CAMKMT: variants seen among roughly 807,000 people sequenced by gnomAD.
The protein encoded by CAMKMT is CaM KMT.
A neutral mutation model predicts 48.0 loss-of-function variants in CAMKMT; 53 were observed. The observed-to-expected ratio is 1.10, with a 90% CI of 0.89 to 1.39. The LOEUF is 1.39. Ranked by LOEUF, CAMKMT falls within the 40% of genes most tolerant of loss-of-function variation. CAMKMT has a pLI of 0.00. For synonymous variants in CAMKMT, 165 were observed against 152.3 expected (o/e 1.08, Z -0.61); for missense variants, 428 against 402.7 (o/e 1.06, Z -0.54).
At chr2:44,437,831 T>G (rs1666366045) in intron 3 of CAMKMT, among the ~76,000 whole-genome samples, 1 of 123,354 alleles carries the variant, frequency 8.1e-6, no homozygotes, top group African/African-American at 2.9e-5. Flanking sequence ...AGAGCAAGAC[T>G]CTGCTACAAA....
intron 3 of CAMKMT, among the ~76,000 whole-genome samples, chr2:44,594,362 T>C (rs1670517820): frequency 6.6e-6 from 1 of 152,182 alleles, no homozygotes; most frequent in South Asian, 2.1e-4. Context: ...AAGACAATCC[T>C]AAGCAAAAAG....
chr2:44,541,355 A>G (rs896442535), intron 3 of CAMKMT, among the ~76,000 whole-genome samples: 3 of 152,166 alleles, frequency 2.0e-5, no homozygotes, highest in Admixed American at 1.3e-4. Context: ...CATTTGTTCA[A>G]GTCTACTCTT....
intron 6 of CAMKMT, among the ~76,000 whole-genome samples, chr2:44,713,748 A>G (rs925370139): frequency 1.3e-5 from 2 of 152,188 alleles, no homozygotes; most frequent in African/African-American, 2.4e-5. Flanking sequence ...GAAGAAAGCT[A>G]TCACAGTACC....
At chr2:44,499,081 G>A (rs1669889683) in intron 3 of CAMKMT, among the ~76,000 whole-genome samples, 1 of 152,172 alleles carries the variant, frequency 6.6e-6, no homozygotes, top group Non-Finnish European at 1.5e-5. Flanking sequence ...ATTCTGAGAT[G>A]AGTGACCTAT....
intron 3 of CAMKMT, among the ~76,000 whole-genome samples, chr2:44,443,912 G>A (rs977722959): frequency 7.2e-5 from 11 of 152,070 alleles, no homozygotes; most frequent in Non-Finnish European, 1.5e-4. Context: ...GCATAATAAT[G>A]AAACAAATAA....
chr2:44,567,929 G>A (rs1294108105), intron 3 of CAMKMT, among the ~76,000 whole-genome samples: 1 of 152,160 alleles, frequency 6.6e-6, no homozygotes, highest in East Asian at 1.9e-4. Context: ...ACTGGTGAAT[G>A]AGGTAAAATG....
At chr2:44,532,105 C>A (rs1172375536) in intron 3 of CAMKMT, among the ~76,000 whole-genome samples, 2 of 152,182 alleles carry the variant, frequency 1.3e-5, no homozygotes, top group African/African-American at 4.8e-5. Flanking sequence ...AATACGGCTA[C>A]TTGCTGGTAT....
chr2:44,608,462 A>T (rs1208403611), intron 3 of CAMKMT, among the ~76,000 whole-genome samples: 1 of 152,190 alleles, frequency 6.6e-6, no homozygotes, highest in Non-Finnish European at 1.5e-5. Context: ...TGACATTTCA[A>T]TACATGTAAT....
At chr2:44,586,668 C>A (rs1391771235) in intron 3 of CAMKMT, among the ~76,000 whole-genome samples, 2 of 152,076 alleles carry the variant, frequency 1.3e-5, no homozygotes, top group African/African-American at 4.8e-5. Flanking sequence ...GAGTAGTATT[C>A]TGTTGTGTGC....
chr2:44,566,104 C>G (rs992059145), intron 3 of CAMKMT, among the ~76,000 whole-genome samples: 1 of 152,138 alleles, frequency 6.6e-6, no homozygotes, highest in African/African-American at 2.4e-5. Context: ...GTATTATGAT[C>G]TACTCATAAC....
At chr2:44,606,946 C>T (rs970595928) in intron 3 of CAMKMT, among the ~76,000 whole-genome samples, 5 of 152,114 alleles carry the variant, frequency 3.3e-5, no homozygotes, top group African/African-American at 1.2e-4. Context: ...TTCATTGAAG[C>T]TCAGGCTGCT....
At chr2:44,555,507 G>T (rs779828828) in intron 3 of CAMKMT, among the ~76,000 whole-genome samples, 3 of 152,202 alleles carry the variant, frequency 2.0e-5, no homozygotes, top group Admixed American at 6.5e-5. Flanking sequence ...CTGTGGGACA[G>T]TTAGAAGAGC....
Position 44,461,721 on chromosome 2 carries a change from T to C in CAMKMT, c.376+71416T>C, listed in dbSNP as rs574349930. ...TGAATAATATTTCATACAAATTCTTTTCAAAATTTATTTTGCTACATATGT... is the reference window on the plus strand; with the variant it reads ...TGAATAATATTTCATACAAATTCTTCTCAAAATTTATTTTGCTACATATGT... On this transcript the variant is annotated intron_variant, in intron 3 of 10. Coordinates refer to ENST00000378494, the MANE Select transcript of CAMKMT (RefSeq NM_024766.5). 3.7e-4 allele frequency among the ~76,000 whole-genome samples: 56 copies of C among 152,356 alleles called. No individual in the cohort carries two copies. The South Asian group carries it at 5.0e-3, about 14-fold the overall frequency.
chr2:44,370,866 A>T (rs773342016), intron 1 of CAMKMT, among the ~76,000 whole-genome samples: 1 of 152,200 alleles, frequency 6.6e-6, no homozygotes, highest in Admixed American at 6.5e-5. Context: ...TTTGGAGTGC[A>T]ATGGCTTCAT....
chr2:44,704,442 A>G, intron 4 of CAMKMT, 99 bp downstream of exon 4: 1 of 801,316 alleles, frequency 1.2e-6, no homozygotes. Context: ...AAATTGTTAG[A>G]AAAAAATATA....
rs376903279 is a variant in CAMKMT, at chr2:44,702,075, G to A, written c.377-2208G>A. ...TACAAAGTACTGCATTTTAGAAGTC[G>A]CATTTTTGTACTTAATCAAGGCTTA... On this transcript the variant is annotated intron_variant, in intron 3 of 10. Coordinates refer to ENST00000378494, the MANE Select transcript of CAMKMT (RefSeq NM_024766.5). 9.2e-5 allele frequency among the ~76,000 whole-genome samples: 14 copies of A among 151,970 alleles called. No individual in the cohort carries two copies. The East Asian group carries it at 2.1e-3, about 23-fold the overall frequency.
chr2:44,708,357 T>C lies in CAMKMT; in HGVS notation c.556+895T>C, dbSNP rs1677681668. Among the ~76,000 whole-genome samples, 5 of 151,948 alleles carry C rather than the reference T, an allele frequency of 3.3e-5. 1 individual carries two copies. The East Asian group carries it at 7.8e-4, about 24-fold the overall frequency. On this transcript the variant is annotated intron_variant, in intron 6 of 10. Transcript: ENST00000378494. Reference sequence around the variant, plus strand: ...TACATACAATCTATTTCTGATTTTCTTTTTCGACTTCTGCCATATGATTTT... The same window carrying C: ...TACATACAATCTATTTCTGATTTTCCTTTTCGACTTCTGCCATATGATTTT...
chr2:44,556,311 G>A (rs1002976802), intron 3 of CAMKMT, among the ~76,000 whole-genome samples: 6 of 151,520 alleles, frequency 4.0e-5, no homozygotes, highest in South Asian at 4.2e-4. Context: ...GCTAATTTTT[G>A]TATTTTTAGT....
intron 3 of CAMKMT, among the ~76,000 whole-genome samples, chr2:44,703,389 C>T (rs1677361062): frequency 6.6e-6 from 1 of 151,976 alleles, no homozygotes; most frequent in African/African-American, 2.4e-5. Context: ...TGCAATTTAG[C>T]AGGTAGAATT....
Sources: allele counts gnomAD v4.1 joint callset (sites outside exome capture counted in the v4.1 genomes callset), GRCh38; gene constraint gnomAD v4.1.1; transcripts MANE v1.5; gene names NCBI Gene and HGNC (gene_info 2026-07-23, HGNC 2026-07-21).